Variants in SYTL1 observed in about 807,000 individuals in gnomAD.
SYTL1 encodes synaptotagmin-like protein 1.
Under a neutral mutation model 74.6 loss-of-function variants are expected in SYTL1, and 53 were observed. The ratio of observed to expected loss-of-function variants is 0.71; its 90% CI spans 0.57 to 0.89. SYTL1 has a LOEUF of 0.89. Ranked by LOEUF, SYTL1 falls within the 40% of genes least tolerant of loss-of-function variation. SYTL1 has a pLI of 0.00. For missense variants in SYTL1, 728 were observed against 768.7 expected (o/e 0.95, Z 0.63); for synonymous variants, 329 against 324.9 (o/e 1.01, Z -0.14).
chr1:27,350,640 G>T lies in SYTL1; in HGVS notation c.1006-154G>T. The stretch of plus-strand genomic sequence containing the variant: ...ATCCAGTGTTGTCAGCCTCGTGGTG[G>T]GCGTGGTGATAGTGCAGGTCCCCAT... On this transcript the variant is annotated intron_variant, in intron 10 of 14. Coordinates refer to ENST00000616558, the MANE Select transcript of SYTL1 (RefSeq NM_001193308.2). This position sits in a 1 kb window ranked among gnomAD's most constrained non-coding sequence, Gnocchi z 6.3. 2.8e-6 allele frequency: 3 copies of T among 1,059,718 alleles called. 1 individual carries two copies. Among genetic ancestry groups the T allele is most frequent in the South Asian group, 3.0e-5 (2 of 66,894 alleles). 65.6% of individuals were successfully genotyped at this position (1,059,718 alleles called of 1,614,324 possible). A position where few individuals can be genotyped will look rare whatever the true frequency, so the allele number is the denominator to read the frequency against.
rs1368504501 is a variant in SYTL1, at chr1:27,348,575, T to A, written c.460-505T>A. 6.6e-6 allele frequency among the ~76,000 whole-genome samples: 1 copy of A among 151,982 alleles called. No individual in the cohort carries two copies. Among genetic ancestry groups the A allele is most frequent in the African/African-American group, 2.4e-5 (1 of 41,356 alleles). The stretch of plus-strand genomic sequence containing the variant: ...ATACAAAATTAGCTGGGCATGATGG[T>A]GCATAACCTGGAATCTCAGCTACTG... On this transcript the variant is annotated intron_variant, in intron 5 of 14. Coordinates refer to ENST00000616558, the MANE Select transcript of SYTL1 (RefSeq NM_001193308.2). The surrounding 1 kb of genome is among the most constrained non-coding windows in gnomAD (Gnocchi z 4.1).
chr1:27,347,156 C>T lies in SYTL1; in HGVS notation c.192-265C>T, dbSNP rs1191378316. Among the ~76,000 whole-genome samples, 1 of 152,130 alleles carries T rather than the reference C, an allele frequency of 6.6e-6. No homozygotes were observed. Among genetic ancestry groups the T allele is most frequent in the Admixed American group, 6.5e-5 (1 of 15,268 alleles). ...AGTAAATAAATAAATAAAGGCAATT[C>T]AAATGTCACCTCCTCTGGGAAGCCC... On this transcript the variant is annotated intron_variant, in intron 2 of 14. Coordinates refer to ENST00000616558, the MANE Select transcript of SYTL1 (RefSeq NM_001193308.2). This position sits in a 1 kb window ranked among gnomAD's most constrained non-coding sequence, Gnocchi z 4.9.
intron 1 of SYTL1, among the ~76,000 whole-genome samples, chr1:27,344,500 CA>C (rs1261780032): frequency 6.6e-6 from 1 of 150,872 alleles, no homozygotes; most frequent in Non-Finnish European, 1.5e-5. Context: ...CTTGGCCTCC[CA>C]AAGTGTTGGG....
At position 27,347,723 on chromosome 1, in the gene SYTL1, G is replaced by T. The variant is rs751996241; in HGVS notation, c.341-85G>T. ...CAATGCCCCTCCGTGGGCATGGGGT[G>T]GGTGGGTATCTCCCAGGGCCTCTCC... On this transcript the variant is annotated intron_variant, in intron 3 of 14. Transcript: ENST00000616558. This position sits in a 1 kb window ranked among gnomAD's most constrained non-coding sequence, Gnocchi z 4.9. 11 of 1,519,050 alleles carry T rather than the reference G, an allele frequency of 7.2e-6. No individual in the cohort carries two copies. The highest frequency in any genetic ancestry group is 5.5e-5 in the Admixed American group (3 of 54,402). The allele number at this position is 1,519,050 out of a possible 1,614,324, so 94.1% of individuals were successfully genotyped here.
At position 27,347,567 on chromosome 1, in the gene SYTL1, G is replaced by A. The variant is rs1489260510; in HGVS notation, c.338G>A (p.Arg113Lys). Residue 113 changes from arginine to lysine, a missense_variant and splice_region_variant, in exon 3 of 15, where the codon AGG (arginine) becomes AAG (lysine). Transcript: ENST00000616558. The surrounding 1 kb of genome is among the most constrained non-coding windows in gnomAD (Gnocchi z 4.9). The part of the protein sequence containing the change: ...RASMRRKKST[R>K]GDQAPGHDRE... ...TCTATGCGCAGGAAGAAGAGCACCA[G>A]GGGTGAGAGGAGATCCTCGGGGCAG... 1.9e-6 allele frequency: 3 copies of A among 1,613,878 alleles called. No homozygotes were observed. Among genetic ancestry groups the A allele is most frequent in the Non-Finnish European group, 2.5e-6 (3 of 1,179,948 alleles).
chr1:27,351,102 C>T lies in SYTL1; in HGVS notation c.1164+150C>T. ...ATGGCCCCAGGCGAAGCCCGGCCGG[C>T]CACGGCCCCTTCCCCGAGGGCGCTA... On this transcript the variant is annotated intron_variant, in intron 11 of 14. Coordinates refer to ENST00000616558, the MANE Select transcript of SYTL1 (RefSeq NM_001193308.2). This position sits in a 1 kb window ranked among gnomAD's most constrained non-coding sequence, Gnocchi z 5.0. The T allele has an allele frequency of 7.6e-7, 1 of 1,317,948 alleles. No homozygotes were observed. Among genetic ancestry groups the T allele is most frequent in the Non-Finnish European group, 1.0e-6 (1 of 969,980 alleles). The allele number at this position is 1,317,948 out of a possible 1,614,324, so 81.6% of individuals were successfully genotyped here. A position where few individuals can be genotyped will look rare whatever the true frequency, so the allele number is the denominator to read the frequency against.
intron 8 of SYTL1, 100 bp downstream of exon 8, chr1:27,349,865 G>C: frequency 3.3e-6 from 5 of 1,534,506 alleles, no homozygotes; most frequent in Non-Finnish European, 4.4e-6. Flanking sequence ...CACCGCTGCA[G>C]CCCCCCAGCC....
In SYTL1 at chr1:27,351,534, C is replaced by T. The variant is rs141264332; in HGVS notation, c.1322C>T (p.Ser441Phe). 6.3e-5 allele frequency: 97 copies of T among 1,547,814 alleles called. No individual in the cohort carries two copies. The East Asian group carries it at 2.3e-3, about 36-fold the overall frequency. Residue 441 changes from serine to phenylalanine, a missense_variant, in exon 13 of 15, where the codon TCC (serine) becomes TTC (phenylalanine). Transcript: ENST00000616558. This position sits in a 1 kb window ranked among gnomAD's most constrained non-coding sequence, Gnocchi z 5.0. ...ARDLLPLRAGSLDTYVQCFVL... is the reference protein window; with the variant it reads ...ARDLLPLRAGFLDTYVQCFVL... ...GACCTCCTGCCGCTGCGGGCAGGAT[C>T]CCTGGACACTTACGTACAATGGTGA... is the stretch of plus-strand genomic sequence containing the variant.
chr1:27,353,494 T>C lies in SYTL1; in HGVS notation c.1549+6T>C. 6.3e-7 allele frequency: 1 copy of C among 1,592,138 alleles called. No individual in the cohort carries two copies. Among genetic ancestry groups the C allele is most frequent in the Non-Finnish European group, 8.5e-7 (1 of 1,169,826 alleles). ...ACGCCTCAGCCTGGGCACCGGTAAG[T>C]GGGACAGCACCCTGAGACAGGCCCT... is the stretch of plus-strand genomic sequence containing the variant. On this transcript the variant is annotated splice_donor_region_variant and intron_variant, in intron 14 of 14. Transcript: ENST00000616558.
chr1:27,342,862 CA>C lies in SYTL1; in HGVS notation c.-39+713del, dbSNP rs1168014758. On this transcript the variant is annotated intron_variant, in intron 1 of 14. Coordinates refer to ENST00000616558, the MANE Select transcript of SYTL1 (RefSeq NM_001193308.2). The surrounding 1 kb of genome is among the most constrained non-coding windows in gnomAD (Gnocchi z 4.7). ...CCACAGGGGAGGCCGAACGTGGGCT[CA>C]CACCCCAATCCACAGGGGAGGCCGA... is the stretch of plus-strand genomic sequence containing the variant. 6.6e-6 allele frequency among the ~76,000 whole-genome samples: 1 copy of C among 152,220 alleles called. No homozygotes were observed. Among genetic ancestry groups the C allele is most frequent in the Non-Finnish European group, 1.5e-5 (1 of 68,030 alleles).
chr1:27,350,648 G>T lies in SYTL1; in HGVS notation c.1006-146G>T. ...TTGTCAGCCTCGTGGTGGGCGTGGTGATAGTGCAGGTCCCCATTAATGCCC... is the reference window on the plus strand; with the variant it reads ...TTGTCAGCCTCGTGGTGGGCGTGGTTATAGTGCAGGTCCCCATTAATGCCC... On this transcript the variant is annotated intron_variant, in intron 10 of 14. Coordinates refer to ENST00000616558, the MANE Select transcript of SYTL1 (RefSeq NM_001193308.2). This position sits in a 1 kb window ranked among gnomAD's most constrained non-coding sequence, Gnocchi z 6.3. 1 of 1,085,760 alleles carries T rather than the reference G, an allele frequency of 9.2e-7. No individual in the cohort carries two copies. The highest frequency in any genetic ancestry group is 1.5e-5 in the South Asian group (1 of 67,574). 67.3% of individuals were successfully genotyped at this position (1,085,760 alleles called of 1,614,324 possible).
Position 27,350,473 on chromosome 1 carries a change from C to G in SYTL1, c.993C>G (p.Asn331Lys). Reference sequence around the variant, plus strand: ...AACGGAATCTGAATCCGGTTTTCAACGAGACTCTCCGGGTGAGGCTGTGAC... The same window carrying G: ...AACGGAATCTGAATCCGGTTTTCAAGGAGACTCTCCGGGTGAGGCTGTGAC... ...VKKRNLNPVF[N>K]ETLRYSVPQA... The change falls in exon 10 of 15, where the codon AAC becomes AAG. Residue 331 changes from asparagine (N) to lysine (K), a missense_variant. Physicochemically the swap from Asn to Lys is moderately conservative, Grantham distance 94. Transcript: ENST00000616558. This position sits in a 1 kb window ranked among gnomAD's most constrained non-coding sequence, Gnocchi z 6.3. The G allele has an allele frequency of 1.2e-6, 2 of 1,613,056 alleles. No homozygotes were observed. The highest frequency in any genetic ancestry group is 1.7e-6 in the Non-Finnish European group (2 of 1,179,472).
At chr1:27,349,369 C>T (rs1487243061) in intron 6 of SYTL1, 29 bp from the exon 7 acceptor site, 1 of 1,353,752 alleles carries the variant, frequency 7.4e-7, no homozygotes, top group East Asian at 2.5e-5. Flanking sequence ...CAGGAGAGGG[C>T]TCGCTTAGCA....
Position 27,351,614 on chromosome 1 carries a change from C to A in SYTL1, c.1343+59C>A. On this transcript the variant is annotated intron_variant, in intron 13 of 14. Coordinates refer to ENST00000616558, the MANE Select transcript of SYTL1 (RefSeq NM_001193308.2). This position sits in a 1 kb window ranked among gnomAD's most constrained non-coding sequence, Gnocchi z 5.0. ...TTTTGCCTGCAGTGGAGTGCCCAAC[C>A]TCCACAAACCCTTACTAATCAACCT... The A allele has an allele frequency of 9.1e-7, 1 of 1,101,784 alleles. No homozygotes were observed. Among genetic ancestry groups the A allele is most frequent in the Non-Finnish European group, 1.3e-6 (1 of 773,748 alleles). The allele number at this position is 1,101,784 out of a possible 1,614,324, so 68.3% of individuals were successfully genotyped here.
Position 27,351,201 on chromosome 1 carries a change from C to G in SYTL1, c.1165-57C>G. On this transcript the variant is annotated intron_variant, in intron 11 of 14. Coordinates refer to ENST00000616558, the MANE Select transcript of SYTL1 (RefSeq NM_001193308.2). The surrounding 1 kb of genome is among the most constrained non-coding windows in gnomAD (Gnocchi z 5.0). The stretch of plus-strand genomic sequence containing the variant: ...ACCCCATCCGGGTCTGCAGACCCCA[C>G]CCTCCTGAGGCCCCTTTCCATTAGC... The G allele has an allele frequency of 1.3e-6, 2 of 1,536,694 alleles. No homozygotes were observed. Among genetic ancestry groups the G allele is most frequent in the South Asian group, 2.4e-5 (2 of 83,542 alleles).
At position 27,348,945 on chromosome 1, in the gene SYTL1, C is replaced by A. The variant is rs1176839226; in HGVS notation, c.460-135C>A. On this transcript the variant is annotated intron_variant, in intron 5 of 14. Coordinates refer to ENST00000616558, the MANE Select transcript of SYTL1 (RefSeq NM_001193308.2). This position sits in a 1 kb window ranked among gnomAD's most constrained non-coding sequence, Gnocchi z 4.1. ...CACCGCTCCTGCAGCTGGCTGCCAG[C>A]CCTGCCCGGAGGGCTGCCCTAAACC... 5.8e-6 allele frequency: 4 copies of A among 684,792 alleles called. No homozygotes were observed. The allele number at this position is 684,792 out of a possible 1,614,324, so 42.4% of individuals were successfully genotyped here. A position where few individuals can be genotyped will look rare whatever the true frequency, so the allele number is the denominator to read the frequency against.
At position 27,350,810 on chromosome 1, in the gene SYTL1, C is replaced by T. The variant is rs765504750; in HGVS notation, c.1022C>T (p.Ala341Val). Reference protein sequence around the residue: ...NETLRYSVPQAELQGRVLSLS... With the variant: ...NETLRYSVPQVELQGRVLSLS... ...TGTCCTCAGTACTCCGTCCCGCAGG[C>T]CGAGCTTCAGGGCCGCGTGCTGAGC... The change falls in exon 11 of 15, where the codon GCC (alanine) becomes GTC (valine). Residue 341 changes from alanine to valine, a missense_variant. Coordinates refer to ENST00000616558, the MANE Select transcript of SYTL1 (RefSeq NM_001193308.2). This position sits in a 1 kb window ranked among gnomAD's most constrained non-coding sequence, Gnocchi z 6.3. The T allele has an allele frequency of 2.5e-6, 4 of 1,613,788 alleles. No homozygotes were observed. Among genetic ancestry groups the T allele is most frequent in the Admixed American group, 3.3e-5 (2 of 60,024 alleles).
Position 27,351,111 on chromosome 1 carries a change from C to T in SYTL1, c.1165-147C>T. 7.6e-7 allele frequency: 1 copy of T among 1,316,846 alleles called. No homozygotes were observed. The highest frequency in any genetic ancestry group is 1.0e-6 in the Non-Finnish European group (1 of 968,914). 81.6% of individuals were successfully genotyped at this position (1,316,846 alleles called of 1,614,324 possible). ...GGCGAAGCCCGGCCGGCCACGGCCC[C>T]TTCCCCGAGGGCGCTAGGACCCCTA... is the stretch of plus-strand genomic sequence containing the variant. On this transcript the variant is annotated intron_variant, in intron 11 of 14. Transcript: ENST00000616558. The surrounding 1 kb of genome is among the most constrained non-coding windows in gnomAD (Gnocchi z 5.0).
intron 7 of SYTL1, 51 bp from the exon 8 acceptor site, chr1:27,349,601 G>C (rs770483738): frequency 1.9e-6 from 3 of 1,545,134 alleles, no homozygotes; most frequent in East Asian, 2.4e-5. Context: ...CAGGGCGCTC[G>C]GGGCAGGGGT....
Sources: allele counts gnomAD v4.1 joint callset (sites outside exome capture counted in the v4.1 genomes callset), GRCh38; gene constraint gnomAD v4.1.1; non-coding constraint Gnocchi (gnomAD v3.1); transcripts MANE v1.5; gene names NCBI Gene and HGNC (gene_info 2026-07-23, HGNC 2026-07-21).